The following LRRC4C variants were observed in gnomAD, a reference collection of about 807,000 sequenced individuals.
The protein encoded by LRRC4C is leucine rich repeat containing 4C, also known as leucine-rich repeat-containing protein 4C.
Under a neutral mutation model 33.6 loss-of-function variants are expected in LRRC4C, and 5 were observed. The observed-to-expected ratio is 0.15, with a 90% confidence interval of 0.08 to 0.31. The LOEUF (loss-of-function observed/expected upper bound fraction) is 0.31. LRRC4C is among the 10% of genes least tolerant of loss of function. LRRC4C has a pLI of 1.00. For missense variants in LRRC4C, 560 were observed against 796.7 expected (o/e 0.70, Z 3.58); for synonymous variants, 329 against 302.0 (o/e 1.09, Z -0.93).
intron 1 of LRRC4C, among the ~76,000 whole-genome samples, chr11:40,979,888 A>C (rs1383170227): frequency 6.6e-6 from 1 of 152,154 alleles, no homozygotes; most frequent in Non-Finnish European, 1.5e-5. Context: ...TTATAGACAT[A>C]TTTTATATTT....
intron 5 of LRRC4C, among the ~76,000 whole-genome samples, chr11:40,211,642 A>G (rs918744513): frequency 5.9e-5 from 9 of 152,212 alleles, no homozygotes; most frequent in African/African-American, 1.2e-4. Context: ...CTGAGCCCCA[A>G]ATATAATACT....
chr11:41,198,184 T>C lies in LRRC4C; in HGVS notation c.-496+261247A>G, dbSNP rs138385336. Among the ~76,000 whole-genome samples, 729 of 152,154 alleles carry C rather than the reference T, an allele frequency of 4.8e-3. 2 individuals carry two copies. The highest frequency in any genetic ancestry group is 8.4e-3 in the Non-Finnish European group (574 of 67,938). ...ATAGATTTTTGAACCATTAAAACCA[T>C]ACTATTATTCCATTGTATGCAATTC... On this transcript the variant is annotated intron_variant, in intron 1 of 6. Transcript: ENST00000528697.
intron 1 of LRRC4C, among the ~76,000 whole-genome samples, chr11:40,942,082 AG>A (rs1958176692): frequency 6.6e-6 from 1 of 152,246 alleles, no homozygotes; most frequent in Non-Finnish European, 1.5e-5. Flanking sequence ...GGAGAATGGA[AG>A]GGGCAAAGGT....
intron 2 of LRRC4C, among the ~76,000 whole-genome samples, chr11:40,713,033 C>A (rs952934061): frequency 1.3e-5 from 2 of 150,694 alleles, no homozygotes; most frequent in Non-Finnish European, 3.0e-5. Context: ...GGACTGCAGG[C>A]ACATGCCACA....
chr11:40,176,488 A>C (rs1337162497), intron 5 of LRRC4C, among the ~76,000 whole-genome samples: 1 of 152,108 alleles, frequency 6.6e-6, no homozygotes, highest in Non-Finnish European at 1.5e-5. Flanking sequence ...GGGATAAAAT[A>C]ATTAGATTGG....
chr11:40,964,259 C>T (rs182036494), intron 1 of LRRC4C, among the ~76,000 whole-genome samples: 26 of 151,476 alleles, frequency 1.7e-4, no homozygotes, highest in Admixed American at 1.3e-3. Context: ...TCAGACATCA[C>T]GCTGAAAAGC....
At chr11:40,963,819 G>A (rs1851136931) in intron 1 of LRRC4C, among the ~76,000 whole-genome samples, 1 of 151,808 alleles carries the variant, frequency 6.6e-6, no homozygotes, top group Non-Finnish European at 1.5e-5. Flanking sequence ...AACGATTTAA[G>A]TGTTTGACCT....
intron 4 of LRRC4C, among the ~76,000 whole-genome samples, chr11:40,298,255 A>T (rs1375214309): frequency 6.6e-6 from 1 of 152,160 alleles, no homozygotes; most frequent in Non-Finnish European, 1.5e-5. Context: ...ATGAGTGCAT[A>T]ATAAACCATT....
At chr11:40,159,839 A>G (rs1299627168) in intron 5 of LRRC4C, among the ~76,000 whole-genome samples, 1 of 152,198 alleles carries the variant, frequency 6.6e-6, no homozygotes, top group East Asian at 1.9e-4. Flanking sequence ...TATCAAAATA[A>G]TGGAAGCTTC....
At chr11:41,434,645 A>G (rs1227448296) in intron 1 of LRRC4C, among the ~76,000 whole-genome samples, 2 of 152,170 alleles carry the variant, frequency 1.3e-5, no homozygotes, top group Non-Finnish European at 2.9e-5. Context: ...CCTACCATCT[A>G]TGTCCTGAAG....
chr11:40,227,595 A>C (rs1210681626), intron 5 of LRRC4C, among the ~76,000 whole-genome samples: 1 of 152,080 alleles, frequency 6.6e-6, no homozygotes, highest in East Asian at 1.9e-4. Flanking sequence ...TCTTAGGCTG[A>C]TGGAGGGTAT....
At chr11:40,736,330 A>G (rs1947864826) in intron 2 of LRRC4C, among the ~76,000 whole-genome samples, 1 of 152,104 alleles carries the variant, frequency 6.6e-6, no homozygotes. Context: ...ATGTCCCTGC[A>G]AAGGACATGA....
In LRRC4C at chr11:40,256,549, C is replaced by T. The variant is rs796962301; in HGVS notation, c.-175-14951G>A. Among the ~76,000 whole-genome samples the T allele has an allele frequency of 2.0e-5, 3 of 152,106 alleles. No individual in the cohort carries two copies. The South Asian group carries it at 6.2e-4, about 32-fold the overall frequency. ...GAACAGACACTCTTAAGTAATTCCA[C>T]TTGTATAAGTGAATGAATGAATGAA... On this transcript the variant is annotated intron_variant, in intron 4 of 6. Transcript: ENST00000528697.
At chr11:40,400,484 A>T (rs1949717453) in intron 3 of LRRC4C, among the ~76,000 whole-genome samples, 1 of 152,068 alleles carries the variant, frequency 6.6e-6, no homozygotes. Flanking sequence ...ATTATATTTT[A>T]ATATGGCTTA....
intron 5 of LRRC4C, among the ~76,000 whole-genome samples, chr11:40,171,525 A>C (rs575328051): frequency 1.3e-5 from 2 of 152,312 alleles, no homozygotes; most frequent in African/African-American, 4.8e-5. Flanking sequence ...ACCCAATATT[A>C]GTAAAAATTT....
chr11:40,730,118 G>C (rs373802688), intron 2 of LRRC4C, among the ~76,000 whole-genome samples: 5 of 152,098 alleles, frequency 3.3e-5, no homozygotes, highest in East Asian at 1.9e-4. Context: ...GGTTGGGGGG[G>C]GCAGGGATAG....
At chr11:41,423,547 A>G (rs1275056101) in intron 1 of LRRC4C, among the ~76,000 whole-genome samples, 1 of 152,110 alleles carries the variant, frequency 6.6e-6, no homozygotes, top group Non-Finnish European at 1.5e-5. Context: ...TGACATAAAA[A>G]TAATGATGTC....
At chr11:40,730,721 T>C (rs1947525216) in intron 2 of LRRC4C, among the ~76,000 whole-genome samples, 1 of 152,146 alleles carries the variant, frequency 6.6e-6, no homozygotes, top group Admixed American at 6.5e-5. Flanking sequence ...TGACTGAGGC[T>C]ATGAATTATT....
At chr11:40,781,082 A>G (rs553483496) in intron 2 of LRRC4C, among the ~76,000 whole-genome samples, 2 of 152,264 alleles carry the variant, frequency 1.3e-5, no homozygotes, top group South Asian at 2.1e-4. Flanking sequence ...CACATAGAGT[A>G]TATGGTATAG....
Sources: allele counts gnomAD v4.1 joint callset (sites outside exome capture counted in the v4.1 genomes callset), GRCh38; gene constraint gnomAD v4.1.1; transcripts MANE v1.5; gene names NCBI Gene and HGNC (gene_info 2026-07-23, HGNC 2026-07-21).